Variants in PDE6A observed in about 807,000 individuals in gnomAD.
PDE6A encodes rod cGMP-specific 3',5'-cyclic phosphodiesterase subunit alpha.
A neutral mutation model predicts 106.3 loss-of-function variants in PDE6A; 84 were observed. The ratio of observed to expected loss-of-function variants is 0.79; its 90% CI spans 0.66 to 0.95. The LOEUF is 0.95. Ranked by LOEUF, PDE6A falls within the 40% of genes least tolerant of loss-of-function variation. The probability of loss-of-function intolerance (pLI) is 0.00; values close to 1 mark genes in which losing one functional copy is unlikely to be tolerated. For missense variants in PDE6A, 1,052 were observed against 1,084.9 expected (o/e 0.97, Z 0.43); for synonymous variants, 394 against 386.6 (o/e 1.02, Z -0.23).
chr5:149,903,147 TA>T (rs373566897), intron 8 of PDE6A, among the ~76,000 whole-genome samples: 11,893 of 90,752 alleles, frequency 0.13, 559 homozygotes, highest in African/African-American at 0.25. Flanking sequence ...AGACCCTCTC[TA>T]AAAAAAAAAA....
chr5:149,903,246 G>T (rs555741081), intron 8 of PDE6A, among the ~76,000 whole-genome samples: 1 of 149,564 alleles, frequency 6.7e-6, no homozygotes, highest in Non-Finnish European at 1.5e-5. Flanking sequence ...CAACTTTAAT[G>T]TCTGAATCTG....
At chr5:149,901,623 A>G (rs1330770248) in intron 8 of PDE6A, among the ~76,000 whole-genome samples, 1 of 152,216 alleles carries the variant, frequency 6.6e-6, no homozygotes, top group East Asian at 1.9e-4. Flanking sequence ...GAATCTAAAA[A>G]CAAGATTAAA....
chr5:149,860,875 C>A lies in PDE6A; in HGVS notation c.*20G>T. On this transcript the variant is annotated 3_prime_UTR_variant, in exon 22 of 22. Coordinates refer to ENST00000255266, the MANE Select transcript of PDE6A (RefSeq NM_000440.3). Reference sequence around the variant, plus strand: ...CCCAGGAAAGGGTGGTGCCGTCCAGCCAGCACATCCCCAGTGGTGTTACTG... The same window carrying A: ...CCCAGGAAAGGGTGGTGCCGTCCAGACAGCACATCCCCAGTGGTGTTACTG... The A allele has an allele frequency of 6.2e-7, 1 of 1,604,240 alleles. No homozygotes were observed.
In PDE6A at chr5:149,930,332, C is replaced by T. The variant is rs561008749; in HGVS notation, c.858+696G>A. 3.3e-5 allele frequency among the ~76,000 whole-genome samples: 5 copies of T among 152,274 alleles called. No homozygotes were observed. In the South Asian group the frequency reaches 1.0e-3, roughly 32 times the overall value. On this transcript the variant is annotated intron_variant, in intron 4 of 21. Transcript: ENST00000255266. ...GCATTGGTCTGGGCACCACCCTCAG[C>T]ATGACAAGGCGTACAAAATGAAACT... is the stretch of plus-strand genomic sequence containing the variant.
At chr5:149,873,355 C>T (rs140519764) in intron 17 of PDE6A, among the ~76,000 whole-genome samples, 1 of 147,260 alleles carries the variant, frequency 6.8e-6, no homozygotes, top group Non-Finnish European at 1.5e-5. Flanking sequence ...TTTTTGAGAC[C>T]GAGTCTCACT....
At chr5:149,900,939 G>A (rs1035984655) in intron 8 of PDE6A, among the ~76,000 whole-genome samples, 9 of 152,014 alleles carry the variant, frequency 5.9e-5, no homozygotes, top group African/African-American at 2.2e-4. Flanking sequence ...TTGTTGAGAC[G>A]GAGTTTTGCT....
intron 1 of PDE6A, among the ~76,000 whole-genome samples, chr5:149,940,481 G>C (rs1236976702): frequency 6.7e-6 from 1 of 148,916 alleles, no homozygotes; most frequent in African/African-American, 2.5e-5. Context: ...AGGAGCCCAA[G>C]ACCAAAAGAT....
At chr5:149,918,096 A>G (rs1753606224) in intron 5 of PDE6A, among the ~76,000 whole-genome samples, 1 of 152,238 alleles carries the variant, frequency 6.6e-6, no homozygotes, top group African/African-American at 2.4e-5. Flanking sequence ...ATAGGTAGCA[A>G]TATCTCTCAA....
Position 149,858,439 on chromosome 5 carries a change from G to A in PDE6A, c.*2456C>T, listed in dbSNP as rs1373895404. On this transcript the variant is annotated 3_prime_UTR_variant, in exon 22 of 22. Transcript: ENST00000255266. ...TGATCAGGCCAGTGCATTCCGCTAG[G>A]TATTGCATACTTGCCAGAACATACT... is the stretch of plus-strand genomic sequence containing the variant. The A allele has an allele frequency of 6.6e-6, 1 of 152,188 alleles. No homozygotes were observed. The highest frequency in any genetic ancestry group is 1.5e-5 in the Non-Finnish European group (1 of 68,044). 9.4% of individuals were successfully genotyped at this position (152,188 alleles called of 1,614,324 possible). A position where few individuals can be genotyped will look rare whatever the true frequency, so the allele number is the denominator to read the frequency against.
chr5:149,882,538 T>G (rs1760966898), intron 17 of PDE6A, among the ~76,000 whole-genome samples: 1 of 151,962 alleles, frequency 6.6e-6, no homozygotes, highest in African/African-American at 2.4e-5. Context: ...CATTGTCAAT[T>G]GAGGTGAATC....
chr5:149,891,449 G>A (rs1177307935), intron 13 of PDE6A, among the ~76,000 whole-genome samples: 3 of 152,100 alleles, frequency 2.0e-5, no homozygotes, highest in African/African-American at 7.2e-5. Context: ...CAGCCTGGGC[G>A]ACAGAGCGAG....
At chr5:149,910,874 CTTTTTTTTT>C (rs386405293) in intron 6 of PDE6A, among the ~76,000 whole-genome samples, 2 of 87,144 alleles carry the variant, frequency 2.3e-5, no homozygotes, top group South Asian at 4.8e-4. Context: ...TTTCTTTTTC[CTTTTTTTTT>C]TTTTTTTTTT....
chr5:149,865,640 C>A (rs1338658776), intron 20 of PDE6A, among the ~76,000 whole-genome samples: 2 of 152,170 alleles, frequency 1.3e-5, no homozygotes, highest in East Asian at 3.8e-4. Context: ...TGCCTTATGG[C>A]TAAGTCCAGT....
Position 149,928,209 on chromosome 5 carries a change from C to CTATA in PDE6A, c.858+2815_858+2818dup, listed in dbSNP as rs1213238607. Reference sequence around the variant, plus strand: ...GTACTACAGCTCATAATTGTATGTGCTATATATATATATATATATATATTT... The same window carrying CTATA: ...GTACTACAGCTCATAATTGTATGTGCTATATATATATATATATATATATATATTT... On this transcript the variant is annotated intron_variant, in intron 4 of 21. Coordinates refer to ENST00000255266, the MANE Select transcript of PDE6A (RefSeq NM_000440.3). 7.4e-3 allele frequency among the ~76,000 whole-genome samples: 326 copies of CTATA among 44,288 alleles called. 7 individuals are homozygous for CTATA. Among genetic ancestry groups the CTATA allele is most frequent in the Middle Eastern group, 0.023 (2 of 86 alleles). 29.1% of individuals were successfully genotyped at this position (44,288 alleles called of 152,430 possible). A position where few individuals can be genotyped will look rare whatever the true frequency, so the allele number is the denominator to read the frequency against.
chr5:149,911,776 A>C (rs1028474111), intron 6 of PDE6A, among the ~76,000 whole-genome samples: 24 of 139,682 alleles, frequency 1.7e-4, no homozygotes, highest in African/African-American at 6.0e-4. Flanking sequence ...AGTTGGGAGG[A>C]TTGCTTGAGC....
intron 6 of PDE6A, among the ~76,000 whole-genome samples, chr5:149,913,513 G>A (rs1753451024): frequency 6.6e-6 from 1 of 152,152 alleles, no homozygotes; most frequent in South Asian, 2.1e-4. Context: ...AGACAACCCT[G>A]AGAACTTGTT....
At chr5:149,899,165 C>T (rs1400104574) in intron 9 of PDE6A, among the ~76,000 whole-genome samples, 1 of 152,206 alleles carries the variant, frequency 6.6e-6, no homozygotes, top group African/African-American at 2.4e-5. Context: ...CCATGCTCAG[C>T]TTAATTACAT....
intron 7 of PDE6A, among the ~76,000 whole-genome samples, chr5:149,904,127 A>C (rs1449470762): frequency 6.6e-6 from 1 of 152,172 alleles, no homozygotes; most frequent in Non-Finnish European, 1.5e-5. Flanking sequence ...TGCGCCTGTA[A>C]TCCCAGCTAC....
At chr5:149,927,675 A>T (rs1258151702) in intron 4 of PDE6A, among the ~76,000 whole-genome samples, 1 of 151,972 alleles carries the variant, frequency 6.6e-6, no homozygotes, top group African/African-American at 2.4e-5. Flanking sequence ...AGCTTAATAC[A>T]CAAACACATT....
Sources: gnomAD v4.1 joint callset for allele counts (sites outside exome capture counted in the v4.1 genomes callset) on GRCh38, gnomAD v4.1.1 for gene constraint, MANE v1.5 for transcripts, NCBI Gene and HGNC (gene_info 2026-07-23, HGNC 2026-07-21) for gene names.